The following BIVM variants were observed in gnomAD, a reference collection of about 807,000 sequenced individuals.
BIVM encodes the protein basic, immunoglobulin-like variable motif containing, also known as basic immunoglobulin-like variable motif-containing protein.
BIVM carries 31 observed loss-of-function variants against 61.4 expected under a neutral mutation model. The observed-to-expected ratio is 0.51, with a 90% CI of 0.38 to 0.68. The LOEUF is 0.68. Among genes scored for constraint, BIVM ranks in the 30% least tolerant of loss-of-function variants. BIVM has a pLI of 0.00. For synonymous variants in BIVM, 189 were observed against 210.7 expected, an observed-to-expected ratio of 0.90 and a Z score of 0.89; for missense variants, 526 against 596.0, an observed-to-expected ratio of 0.88 and a Z score of 1.22.
chr13:102,808,525 A>C (rs2139153737), intron 3 of BIVM, among the ~76,000 whole-genome samples: 1 of 152,204 alleles, frequency 6.6e-6, no homozygotes, highest in East Asian at 1.9e-4. Context: ...CTGCAAAATC[A>C]ATTTGTTTCA....
Position 102,838,634 on chromosome 13 carries a change from T to G in BIVM, c.1122-9T>G. On this transcript the variant is annotated splice_polypyrimidine_tract_variant and intron_variant, in intron 9 of 10. Coordinates refer to ENST00000257336, the MANE Select transcript of BIVM (RefSeq NM_017693.4). ...AAAATTGTGCTTTATCCTTTCTTCT[T>G]AACTATAGATGGGCAGATATTGTTA... 1 of 1,598,034 alleles carries G rather than the reference T, an allele frequency of 6.3e-7. No homozygotes were observed. The highest frequency in any genetic ancestry group is 1.7e-4 in the Middle Eastern group (1 of 5,974).
At chr13:102,806,513 G>C (rs1383311405) in intron 2 of BIVM, among the ~76,000 whole-genome samples, 1 of 152,224 alleles carries the variant, frequency 6.6e-6, no homozygotes, top group African/African-American at 2.4e-5. Context: ...GCCTCCCAAA[G>C]TGCTGGATTA....
intron 9 of BIVM, 147 bp downstream of exon 9, chr13:102,834,699 C>A: frequency 1.5e-6 from 1 of 655,762 alleles, no homozygotes; most frequent in Non-Finnish European, 2.3e-6. Context: ...CATTCATTGC[C>A]ATGGAAAATA....
intron 5 of BIVM, 21 bp from the exon 6 acceptor site, chr13:102,821,722 C>T: frequency 6.2e-7 from 1 of 1,607,270 alleles, no homozygotes; most frequent in Non-Finnish European, 8.5e-7. Flanking sequence ...AAATGAAAGG[C>T]AATGAATGTT....
chr13:102,828,148 A>G (rs1880804651), intron 7 of BIVM, among the ~76,000 whole-genome samples: 1 of 152,234 alleles, frequency 6.6e-6, no homozygotes, highest in African/African-American at 2.4e-5. Context: ...CTAATGGAAT[A>G]AAAGTGAAGT....
chr13:102,837,810 A>C (rs1049297207), intron 9 of BIVM, among the ~76,000 whole-genome samples: 2 of 152,272 alleles, frequency 1.3e-5, no homozygotes, highest in African/African-American at 4.8e-5. Flanking sequence ...ATGGAAAGCC[A>C]AATATCATAT....
Position 102,831,712 on chromosome 13 carries a change from G to C in BIVM, c.1034+15G>C. On this transcript the variant is annotated intron_variant, in intron 8 of 10. Transcript: ENST00000257336. ...AAAGCATTCAGGTAAGCATTGACGT[G>C]TTTTAGAAAGTGCATTTTAAGAAAT... is the stretch of plus-strand genomic sequence containing the variant. 1 of 1,613,640 alleles carries C rather than the reference G, an allele frequency of 6.2e-7. No homozygotes were observed. Among genetic ancestry groups the C allele is most frequent in the Middle Eastern group, 1.7e-4 (1 of 6,060 alleles).
intron 1 of BIVM, among the ~76,000 whole-genome samples, chr13:102,804,834 G>A (rs1307020244): frequency 6.6e-6 from 1 of 152,184 alleles, no homozygotes; most frequent in Non-Finnish European, 1.5e-5. Flanking sequence ...TAGCATATGT[G>A]GAGTCCTAAT....
At position 102,822,130 on chromosome 13, in the gene BIVM, A is replaced by G; in HGVS notation, c.872A>G (p.His291Arg). The change falls in exon 7 of 11, where the codon CAT (histidine) becomes CGT (arginine). Residue 291 changes from histidine (H) to arginine (R), a missense_variant. His to Arg is a conservative substitution (Grantham distance 29). Around this residue, in one of 3 missense-constraint regions of BIVM, gnomAD observed 312 missense variants for 343.8 expected, o/e 0.91. Transcript: ENST00000257336. The part of the protein sequence containing the change: ...KGCSYVLYKP[H>R]GKNKTAGETA... ...TGCTCTTATGTTCTATATAAGCCTC[A>G]TGGGAAGAATAAAACAGCAGGAGAA... 6.2e-7 allele frequency: 1 copy of G among 1,613,952 alleles called. No individual in the cohort carries two copies. Among genetic ancestry groups the G allele is most frequent in the Non-Finnish European group, 8.5e-7 (1 of 1,179,992 alleles).
chr13:102,835,844 G>A (rs2140500277), intron 9 of BIVM, among the ~76,000 whole-genome samples: 1 of 152,278 alleles, frequency 6.6e-6, no homozygotes, highest in South Asian at 2.1e-4. Context: ...GGATTTGCCT[G>A]TTCTTGACAT....
At chr13:102,799,634 C>G (rs1002556554) in intron 1 of BIVM, 113 bp downstream of exon 1, 10 of 152,302 alleles carry the variant, frequency 6.6e-5, no homozygotes, top group African/African-American at 2.4e-4. Context: ...CCGCTCTACG[C>G]GCAGCCACCT....
intron 1 of BIVM, among the ~76,000 whole-genome samples, chr13:102,802,904 C>G (rs1244957646): frequency 6.6e-6 from 1 of 151,992 alleles, no homozygotes; most frequent in Non-Finnish European, 1.5e-5. Flanking sequence ...AGCCACTGTG[C>G]CTGGCTCACA....
rs1879542855 is a variant in BIVM at position 102,812,162 on chromosome 13, A to G, written c.479-4266A>G. On this transcript the variant is annotated intron_variant, in intron 3 of 10. Coordinates refer to ENST00000257336, the MANE Select transcript of BIVM (RefSeq NM_017693.4). ...TTCTGCCTGCTCAAAACTGCCTTTG[A>G]ATCACTCTAGTGAGTTTTTCATTTC... Among the ~76,000 whole-genome samples the G allele has an allele frequency of 3.3e-5, 5 of 152,180 alleles. No individual in the cohort carries two copies. The South Asian group carries it at 1.0e-3, about 32-fold the overall frequency.
intron 3 of BIVM, among the ~76,000 whole-genome samples, chr13:102,814,350 C>CGGGCATTTTATGAAGT (rs1304048977): frequency 6.6e-6 from 1 of 151,998 alleles, no homozygotes; most frequent in Non-Finnish European, 1.5e-5. Context: ...TGTGGCAGTG[C>CGGGCATTTTATGAAGT]GGGCATTTTA....
At chr13:102,808,916 A>G (rs917688720) in intron 3 of BIVM, among the ~76,000 whole-genome samples, 9 of 151,854 alleles carry the variant, frequency 5.9e-5, no homozygotes, top group Non-Finnish European at 1.3e-4. Context: ...TAATTAATTT[A>G]TTTTCTCTAT....
At chr13:102,823,544 A>C (rs190451160) in intron 7 of BIVM, among the ~76,000 whole-genome samples, 31 of 152,312 alleles carry the variant, frequency 2.0e-4, no homozygotes, top group African/African-American at 5.5e-4. Context: ...ATGCATTCAC[A>C]TGGGGCCTGT....
intron 9 of BIVM, among the ~76,000 whole-genome samples, chr13:102,835,593 G>A (rs1421922991): frequency 6.6e-6 from 1 of 152,110 alleles, no homozygotes; most frequent in Non-Finnish European, 1.5e-5. Context: ...GAGTGCAGTG[G>A]TGTGATGTCA....
chr13:102,838,816 T>C, intron 10 of BIVM, 77 bp downstream of exon 10: 1 of 1,369,634 alleles, frequency 7.3e-7, no homozygotes, highest in African/African-American at 1.5e-5. Context: ...ACTCTTTAGG[T>C]TGCAAGTAAC....
rs568738878 is a variant in BIVM at position 102,826,568 on chromosome 13, G to C, written c.901+4409G>C. Among the ~76,000 whole-genome samples the C allele has an allele frequency of 2.6e-5, 4 of 152,274 alleles. No individual in the cohort carries two copies. The East Asian group carries it at 7.7e-4, about 29-fold the overall frequency. On this transcript the variant is annotated intron_variant, in intron 7 of 10. Transcript: ENST00000257336. The stretch of plus-strand genomic sequence containing the variant: ...ACCAAAATGCATGTCTGGGAGTATA[G>C]AAATAATCACTGGAACGAATGTCAT...
Sources: allele counts gnomAD v4.1 joint callset (sites outside exome capture counted in the v4.1 genomes callset), GRCh38; gene constraint gnomAD v4.1.1; regional missense constraint gnomAD v4.1.1; transcripts MANE v1.5; gene names NCBI Gene and HGNC (gene_info 2026-07-23, HGNC 2026-07-21).